PRKAG2: variants seen among roughly 807,000 people sequenced by gnomAD.
PRKAG2 encodes the protein 5'-AMP-activated protein kinase subunit gamma-2.
In PRKAG2, 26 loss-of-function variants were observed where a neutral mutation model predicts 69.6. The observed-to-expected ratio is 0.37, with a 90% CI of 0.27 to 0.52. The LOEUF (loss-of-function observed/expected upper bound fraction) is 0.52, where lower values mean the gene tolerates loss of function less well. Ranked by LOEUF, PRKAG2 falls within the 20% of genes least tolerant of loss-of-function variation. The pLI is 0.90. For missense variants in PRKAG2, 557 were observed against 740.0 expected (o/e 0.75, Z 2.87); for synonymous variants, 293 against 285.0 (o/e 1.03, Z -0.28).
At chr7:151,849,056 T>C (rs990621370) in intron 1 of PRKAG2, among the ~76,000 whole-genome samples, 1 of 152,094 alleles carries the variant, frequency 6.6e-6, no homozygotes, top group African/African-American at 2.4e-5. Flanking sequence ...CTGCAGGGTG[T>C]TCTGAACGAA....
At chr7:151,684,654 G>T (rs567086478) in intron 3 of PRKAG2, among the ~76,000 whole-genome samples, 1 of 152,134 alleles carries the variant, frequency 6.6e-6, no homozygotes, top group East Asian at 1.9e-4. Context: ...CTTGCCTGGG[G>T]GACAGGAGTG....
At chr7:151,822,081 C>CAA (rs1013595455) in intron 1 of PRKAG2, among the ~76,000 whole-genome samples, 5 of 152,194 alleles carry the variant, frequency 3.3e-5, no homozygotes, top group African/African-American at 9.7e-5. Context: ...CACCCCATGA[C>CAA]AACTGCCACT....
At chr7:151,630,835 A>G (rs1824235244) in intron 5 of PRKAG2, among the ~76,000 whole-genome samples, 1 of 152,242 alleles carries the variant, frequency 6.6e-6, no homozygotes, top group African/African-American at 2.4e-5. Context: ...AAGACCCTGG[A>G]TTATTTTTCT....
intron 4 of PRKAG2, among the ~76,000 whole-genome samples, chr7:151,672,973 C>T (rs903227866): frequency 1.3e-5 from 2 of 152,162 alleles, no homozygotes; most frequent in African/African-American, 4.8e-5. Context: ...TTGGCCTTGA[C>T]CAAGGGCTGC....
At chr7:151,668,926 T>C (rs1451189410) in intron 4 of PRKAG2, among the ~76,000 whole-genome samples, 1 of 152,242 alleles carries the variant, frequency 6.6e-6, no homozygotes, top group East Asian at 1.9e-4. Flanking sequence ...GAGTGACTGC[T>C]GTGGAAGGAA....
At chr7:151,631,624 A>G (rs1484086718) in intron 5 of PRKAG2, 2 of 453,416 alleles carry the variant, frequency 4.4e-6, no homozygotes, top group South Asian at 3.1e-5. Context: ...ATTAAAAAAG[A>G]AGACACACCC....
intron 1 of PRKAG2, among the ~76,000 whole-genome samples, chr7:151,817,688 T>A (rs1379041980): frequency 1.3e-5 from 2 of 152,242 alleles, no homozygotes; most frequent in Non-Finnish European, 2.9e-5. Flanking sequence ...GTTTTGAGTC[T>A]ATTTTAAGTG....
chr7:151,863,013 A>AT (rs771399704), intron 1 of PRKAG2, among the ~76,000 whole-genome samples: 1 of 105,314 alleles, frequency 9.5e-6, no homozygotes, highest in Non-Finnish European at 2.0e-5. Flanking sequence ...GTGCTGGTAG[A>AT]CCCCAGGTGC....
In PRKAG2 at chr7:151,572,675, T is replaced by C. The variant is rs760258924; in HGVS notation, c.1040A>G (p.Glu347Gly). Residue 347 changes from glutamate to glycine, a missense_variant, in exon 9 of 16, where the codon GAA becomes GGA. Physicochemically the swap from Glu to Gly is moderately conservative, Grantham distance 98. Coordinates refer to ENST00000287878, the MANE Select transcript of PRKAG2 (RefSeq NM_016203.4). ...CCAATAGTGCTTACCCCTCCATGTTTCAATTTTATGTTCCTCTAATTCATA... is the reference window on the plus strand; with the variant it reads ...CCAATAGTGCTTACCCCTCCATGTTCCAATTTTATGTTCCTCTAATTCATA... ...QIYELEEHKIETWRELYLQET... is the reference protein window; with the variant it reads ...QIYELEEHKIGTWRELYLQET... 2 of 1,599,078 alleles carry C rather than the reference T, an allele frequency of 1.3e-6. No individual in the cohort carries two copies. Among genetic ancestry groups the C allele is most frequent in the Admixed American group, 1.7e-5 (1 of 59,792 alleles).
At chr7:151,815,983 A>G (rs1360483476) in intron 1 of PRKAG2, among the ~76,000 whole-genome samples, 3 of 152,216 alleles carry the variant, frequency 2.0e-5, no homozygotes, top group Non-Finnish European at 2.9e-5. Flanking sequence ...TGTGTTATTC[A>G]GGTAAGGTTG....
chr7:151,616,146 G>A (rs1297943635), intron 5 of PRKAG2, among the ~76,000 whole-genome samples: 1 of 152,234 alleles, frequency 6.6e-6, no homozygotes, highest in Non-Finnish European at 1.5e-5. Context: ...AAGGCGGAAT[G>A]CATGTGTGCC....
Position 151,565,627 on chromosome 7 carries a change from TTTCCCCACGTATCTCC to T in PRKAG2, c.1399+77_1399+92del, listed in dbSNP as rs1325038094. On this transcript the variant is annotated intron_variant, in intron 12 of 15. Coordinates refer to ENST00000287878, the MANE Select transcript of PRKAG2 (RefSeq NM_016203.4). ...TTATTCACCATACCCAAGTTTTCAT[TTTCCCCACGTATCTCC>T]TGTGCCAGGTCATCTTACAATAATT... 83 of 1,517,066 alleles carry T rather than the reference TTTCCCCACGTATCTCC, an allele frequency of 5.5e-5. 1 individual carries two copies. In the East Asian group the frequency reaches 1.7e-3, roughly 31 times the overall value. 94.0% of individuals were successfully genotyped at this position (1,517,066 alleles called of 1,614,324 possible). A position where few individuals can be genotyped will look rare whatever the true frequency, so the allele number is the denominator to read the frequency against.
intron 3 of PRKAG2, among the ~76,000 whole-genome samples, chr7:151,717,046 A>C (rs1201275540): frequency 6.6e-6 from 1 of 152,210 alleles, no homozygotes; most frequent in Non-Finnish European, 1.5e-5. Context: ...CAGGAGTTCG[A>C]GACCAGCCTG....
At position 151,583,599 on chromosome 7, in the gene PRKAG2, G is replaced by T. The variant is rs1057142376; in HGVS notation, c.865-7147C>A. On this transcript the variant is annotated intron_variant, in intron 6 of 15. Transcript: ENST00000287878. This position sits in a 1 kb window ranked among gnomAD's most constrained non-coding sequence, Gnocchi z 4.1. ...TGGAAAATTCTCCATAATTATAGACGGCACAGGGTGTTCCAATTAACCAAT... is the reference window on the plus strand; with the variant it reads ...TGGAAAATTCTCCATAATTATAGACTGCACAGGGTGTTCCAATTAACCAAT... 6.6e-6 allele frequency among the ~76,000 whole-genome samples: 1 copy of T among 152,052 alleles called. No homozygotes were observed. Among genetic ancestry groups the T allele is most frequent in the Non-Finnish European group, 1.5e-5 (1 of 68,030 alleles).
At chr7:151,723,447 T>A (rs1797440257) in intron 3 of PRKAG2, among the ~76,000 whole-genome samples, 1 of 152,198 alleles carries the variant, frequency 6.6e-6, no homozygotes. Flanking sequence ...AGGCTTCCCA[T>A]CCATTTCACT....
At chr7:151,862,322 G>A (rs2079951257) in intron 1 of PRKAG2, among the ~76,000 whole-genome samples, 1 of 151,828 alleles carries the variant, frequency 6.6e-6, no homozygotes, top group Non-Finnish European at 1.5e-5. Flanking sequence ...TAGATTGGAT[G>A]GAAAAAAAAA....
At chr7:151,746,558 CACAA>C (rs1419536342) in intron 3 of PRKAG2, among the ~76,000 whole-genome samples, 4 of 152,258 alleles carry the variant, frequency 2.6e-5, no homozygotes, top group African/African-American at 9.6e-5. Context: ...CAGAGCATTT[CACAA>C]ACAGAGGACA....
chr7:151,751,112 T>C (rs894718184), intron 3 of PRKAG2, among the ~76,000 whole-genome samples: 2 of 150,786 alleles, frequency 1.3e-5, no homozygotes, highest in East Asian at 1.9e-4. Flanking sequence ...TTTTTTTTTT[T>C]TTTGAGACGG....
At chr7:151,587,088 C>T (rs2151092748) in intron 6 of PRKAG2, among the ~76,000 whole-genome samples, 1 of 152,198 alleles carries the variant, frequency 6.6e-6, no homozygotes. Context: ...TTCAAGTGAG[C>T]CGAGATTGCG....
Sources: allele counts gnomAD v4.1 joint callset (sites outside exome capture counted in the v4.1 genomes callset), GRCh38; gene constraint gnomAD v4.1.1; non-coding constraint Gnocchi (gnomAD v3.1); transcripts MANE v1.5; gene names NCBI Gene and HGNC (gene_info 2026-07-23, HGNC 2026-07-21).